MGAT1: variants seen among roughly 807,000 people sequenced by gnomAD.
The protein encoded by MGAT1 is N-glycosyl-oligosaccharide-glycoprotein N-acetylglucosaminyltransferase I.
In MGAT1, 14 loss-of-function variants were observed where a neutral mutation model predicts 31.7. The ratio of observed to expected loss-of-function variants is 0.44; its 90% CI spans 0.29 to 0.69. The LOEUF is 0.69. Ranked by LOEUF, MGAT1 falls within the 30% of genes least tolerant of loss-of-function variation. MGAT1 has a pLI of 0.12. For missense variants in MGAT1, 557 were observed against 626.0 expected, an observed-to-expected ratio of 0.89 and a Z score of 1.18; for synonymous variants, 338 against 276.0, an observed-to-expected ratio of 1.22 and a Z score of -2.23.
In MGAT1 at chr5:180,786,512, T is replaced by C. The variant is rs1327964686; in HGVS notation, c.*5122A>G. ...TTTGATTCAGCTTCAGAAATACTTTTTCCAGCCTCTTTTGCTGACAGGGGT... is the reference window on the plus strand; with the variant it reads ...TTTGATTCAGCTTCAGAAATACTTTCTCCAGCCTCTTTTGCTGACAGGGGT... On this transcript the variant is annotated 3_prime_UTR_variant, in exon 2 of 2. Coordinates refer to ENST00000307826, the MANE Select transcript of MGAT1 (RefSeq NM_002406.4). The C allele has an allele frequency of 1.3e-5, 2 of 152,282 alleles. No homozygotes were observed. The highest frequency in any genetic ancestry group is 4.8e-5 in the African/African-American group (2 of 41,456). 9.4% of individuals were successfully genotyped at this position (152,282 alleles called of 1,614,324 possible).
intron 1 of MGAT1, chr5:180,809,400 T>G (rs896747616): frequency 6.6e-6 from 1 of 152,222 alleles, no homozygotes; most frequent in Non-Finnish European, 1.5e-5. Context: ...GAGACTCTTC[T>G]AAGAAATCGA....
chr5:180,792,836 C>G lies in MGAT1; in HGVS notation c.136G>C (p.Asp46His), dbSNP rs573360169. 4 of 1,561,052 alleles carry G rather than the reference C, an allele frequency of 2.6e-6. No individual in the cohort carries two copies. Among genetic ancestry groups the G allele is most frequent in the Non-Finnish European group, 2.6e-6 (3 of 1,153,746 alleles). Residue 46 changes from aspartate to histidine, a missense_variant, in exon 2 of 2, where the codon GAC becomes CAC. Asp to His is a moderately conservative substitution (Grantham distance 81). Coordinates refer to ENST00000307826, the MANE Select transcript of MGAT1 (RefSeq NM_002406.4). ...RPPSVSALDG[D>H]PASLTREVIR... The stretch of plus-strand genomic sequence containing the variant: ...ACTTCCCGGGTGAGGCTGGCGGGGT[C>G]GCCATCGAGAGCGCTGACTGAGGGT...
chr5:180,791,691 G>A lies in MGAT1; in HGVS notation c.1281C>T (p.Arg427=). 1.2e-6 allele frequency: 2 copies of A among 1,613,874 alleles called. No individual in the cohort carries two copies. The highest frequency in any genetic ancestry group is 1.7e-6 in the Non-Finnish European group (2 of 1,180,010). Residue 427 remains arginine, a synonymous_variant, in exon 2 of 2, where the codon CGC becomes CGT. Coordinates refer to ENST00000307826, the MANE Select transcript of MGAT1 (RefSeq NM_002406.4). The stretch of plus-strand genomic sequence containing the variant: ...TCAGTGGGGGCGCCAGGTGGACACG[G>A]CGGCCCCGGAACTGGAAGGTGACAA... ...RGIVTFQFRG[R]RVHLAPPLTW...
upstream of MGAT1, among the ~76,000 whole-genome samples, chr5:180,803,116 GC>G (rs1215607930): frequency 6.6e-6 from 1 of 152,126 alleles, no homozygotes; most frequent in Non-Finnish European, 1.5e-5. Context: ...CTGGAGCCGC[GC>G]CTGAAGTGGG....
chr5:180,791,922 C>T lies in MGAT1; in HGVS notation c.1050G>A (p.Gln350=), dbSNP rs1229554998. The change falls in exon 2 of 2, where the codon CAG becomes CAA. Residue 350 remains glutamine, a synonymous_variant. Coordinates refer to ENST00000307826, the MANE Select transcript of MGAT1 (RefSeq NM_002406.4). Reference sequence around the variant, plus strand: ...GGAAATCTCGGTCATAGGCCTCCCGCTGCAGGTAAGACAGGTCCAGCTGGG... The same window carrying T: ...GGAAATCTCGGTCATAGGCCTCCCGTTGCAGGTAAGACAGGTCCAGCTGGG... ...HFTQLDLSYL[Q]REAYDRDFLA... is the part of the protein sequence containing the mutation. The T allele has an allele frequency of 1.9e-6, 3 of 1,614,114 alleles. No homozygotes were observed. The highest frequency in any genetic ancestry group is 2.7e-5 in the African/African-American group (2 of 74,956).
Position 180,791,219 on chromosome 5 carries a change from G to C in MGAT1, c.*415C>G, listed in dbSNP as rs11544560. ...CTTCTCCCATAACTCAGTCCCCACT[G>C]GGGGAAGGGGAGCAGGTATAGAAGG... On this transcript the variant is annotated 3_prime_UTR_variant, in exon 2 of 2. Coordinates refer to ENST00000307826, the MANE Select transcript of MGAT1 (RefSeq NM_002406.4). The C allele has an allele frequency of 2.5e-5, 5 of 197,484 alleles. No individual in the cohort carries two copies. The highest frequency in any genetic ancestry group is 1.2e-4 in the African/African-American group (5 of 42,880). The allele number at this position is 197,484 out of a possible 1,614,324, so 12.2% of individuals were successfully genotyped here.
chr5:180,809,199 G>A (rs1352925240), intron 1 of MGAT1: 2 of 152,030 alleles, frequency 1.3e-5, no homozygotes, highest in African/African-American at 4.8e-5. Flanking sequence ...AAACACCTTC[G>A]TTAAACACTC....
chr5:180,805,170 C>T (rs1771669297), upstream of MGAT1, among the ~76,000 whole-genome samples: 1 of 150,642 alleles, frequency 6.6e-6, no homozygotes, highest in African/African-American at 2.5e-5. Flanking sequence ...GGGGGTGGGC[C>T]TGGGATTGGA....
intron 1 of MGAT1, among the ~76,000 whole-genome samples, chr5:180,797,035 A>C (rs1240486485): frequency 1.3e-5 from 2 of 152,168 alleles, no homozygotes; most frequent in Admixed American, 1.3e-4. Context: ...GTGCAAGAAA[A>C]AGACTTTATA....
chr5:180,811,693 C>T (rs1772583257), intron 1 of MGAT1, among the ~76,000 whole-genome samples: 1 of 150,316 alleles, frequency 6.7e-6, no homozygotes, highest in South Asian at 2.2e-4. Flanking sequence ...GGTTTCCGTA[C>T]AGCAGCCACA....
intron 1 of MGAT1, chr5:180,810,741 G>C (rs1172542168): frequency 1.3e-5 from 2 of 152,030 alleles, no homozygotes; most frequent in Non-Finnish European, 2.9e-5. Flanking sequence ...GGGCCTGTGT[G>C]TTCCCGCTTC....
intron 1 of MGAT1, among the ~76,000 whole-genome samples, chr5:180,793,546 C>T (rs1445955780): frequency 6.6e-6 from 1 of 152,106 alleles, no homozygotes; most frequent in Non-Finnish European, 1.5e-5. Context: ...AACGAAGTTG[C>T]CCATCATCTC....
chr5:180,802,884 G>A (rs1656969655), upstream of MGAT1: 3 of 150,208 alleles, frequency 2.0e-5, no homozygotes, highest in African/African-American at 7.3e-5. Context: ...CGGACTGAGG[G>A]GCGTGACCGA....
chr5:180,798,783 T>C (rs1443968757), intron 1 of MGAT1, among the ~76,000 whole-genome samples: 3 of 152,220 alleles, frequency 2.0e-5, no homozygotes, highest in African/African-American at 7.2e-5. Context: ...GAAATAAACA[T>C]GGTGGCTTAT....
rs1044500615 is a variant in MGAT1 at position 180,784,960 on chromosome 5, G to T, written c.*6674C>A. The T allele has an allele frequency of 7.2e-5, 11 of 152,278 alleles. No individual in the cohort carries two copies. Among genetic ancestry groups the T allele is most frequent in the Middle Eastern group, 3.4e-3 (1 of 294 alleles). The allele number at this position is 152,278 out of a possible 1,614,324, so 9.4% of individuals were successfully genotyped here. On this transcript the variant is annotated 3_prime_UTR_variant, in exon 2 of 2. Transcript: ENST00000307826. ...TTTGCCGTGTGGCAAAATATTCCTC[G>T]TTGGATCATGTCAGTGGAAAGAGTA...
chr5:180,801,295 G>A (rs1770713834), intron 1 of MGAT1, among the ~76,000 whole-genome samples: 1 of 152,208 alleles, frequency 6.6e-6, no homozygotes, highest in African/African-American at 2.4e-5. Flanking sequence ...GTAAAATTAA[G>A]TACAGAAGTG....
chr5:180,795,554 T>C (rs1244052103), intron 1 of MGAT1: 1 of 152,222 alleles, frequency 6.6e-6, no homozygotes, highest in Non-Finnish European at 1.5e-5. Flanking sequence ...ACTTCTCAAA[T>C]GGTTCAGAAC....
rs372096364 is a variant in MGAT1, at chr5:180,792,789, G to C, written c.183C>G (p.Ala61=). 1.3e-6 allele frequency: 2 copies of C among 1,552,142 alleles called. No homozygotes were observed. The highest frequency in any genetic ancestry group is 1.2e-5 in the South Asian group (1 of 84,408). The change falls in exon 2 of 2, where the codon GCC becomes GCG. Residue 61 remains alanine (A), a synonymous_variant. Coordinates refer to ENST00000307826, the MANE Select transcript of MGAT1 (RefSeq NM_002406.4). ...TREVIRLAQD[A]EVELERQRGL... is the part of the protein sequence containing the mutation. ...CACGCTGCCGCTCCAGCTCCACCTCGGCGTCTTGGGCCAGGCGAATCACTT... is the reference window on the plus strand; with the variant it reads ...CACGCTGCCGCTCCAGCTCCACCTCCGCGTCTTGGGCCAGGCGAATCACTT...
chr5:180,811,885 G>C (rs1326756508), intron 1 of MGAT1, among the ~76,000 whole-genome samples: 2 of 152,200 alleles, frequency 1.3e-5, no homozygotes, highest in African/African-American at 4.8e-5. Flanking sequence ...TTGTCTATTT[G>C]TAAAACACCC....
Sources: allele counts gnomAD v4.1 joint callset (sites outside exome capture counted in the v4.1 genomes callset), GRCh38; gene constraint gnomAD v4.1.1; transcripts MANE v1.5; gene names NCBI Gene and HGNC (gene_info 2026-07-23, HGNC 2026-07-21).